Variants in UNC79 observed in about 807,000 individuals in gnomAD.
UNC79 encodes unc-79 subunit of NALCN channel complex.
In UNC79, 37 loss-of-function variants were observed where a neutral mutation model predicts 283.1. The ratio of observed to expected loss-of-function variants is 0.13; its 90% CI spans 0.10 to 0.17. UNC79 has a LOEUF of 0.17. Among genes scored for constraint, UNC79 ranks in the 10% least tolerant of loss-of-function variants. The pLI, the probability that UNC79 is intolerant of heterozygous loss-of-function variation, is 1.00. For synonymous variants in UNC79, 1,107 were observed against 1,200.2 expected, an observed-to-expected ratio of 0.92 and a Z score of 1.61; for missense variants, 2,272 against 3,211.1, an observed-to-expected ratio of 0.71 and a Z score of 7.07.
At chr14:93,663,986 A>G (rs189956746) in intron 40 of UNC79, among the ~76,000 whole-genome samples, 4 of 152,258 alleles carry the variant, frequency 2.6e-5, no homozygotes, top group East Asian at 3.9e-4. Context: ...TTGGTTTTCA[A>G]TTCAAAATAT....
At chr14:93,629,975 A>T (rs2067891628) in intron 30 of UNC79, among the ~76,000 whole-genome samples, 1 of 152,236 alleles carries the variant, frequency 6.6e-6, no homozygotes, top group Admixed American at 6.5e-5. Flanking sequence ...AGGTTTTGAA[A>T]AATAATTTGT....
At chr14:93,398,421 A>C (rs1183887918) in intron 1 of UNC79, among the ~76,000 whole-genome samples, 1 of 152,216 alleles carries the variant, frequency 6.6e-6, no homozygotes, top group Admixed American at 6.5e-5. Context: ...TTGGAAGGGC[A>C]CAATGTAGGC....
chr14:93,704,537 A>C, intron 47 of UNC79, 88 bp from the exon 51 acceptor site: 1 of 1,437,496 alleles, frequency 7.0e-7, no homozygotes, highest in Admixed American at 1.7e-5. Flanking sequence ...AAAGGGATTC[A>C]ATGTGGCCTG....
At chr14:93,597,966 C>G (rs2065193409) in intron 24 of UNC79, among the ~76,000 whole-genome samples, 1 of 152,130 alleles carries the variant, frequency 6.6e-6, no homozygotes, top group Non-Finnish European at 1.5e-5. Flanking sequence ...TATACCAGAA[C>G]CACATCTTGC....
chr14:93,649,778 G>C (rs1388123794), intron 35 of UNC79, among the ~76,000 whole-genome samples: 1 of 152,060 alleles, frequency 6.6e-6, no homozygotes, highest in Non-Finnish European at 1.5e-5. Context: ...ACGATACATT[G>C]TTGTTAACTA....
rs200855641 is a variant in UNC79, at chr14:93,705,242, TA to T, written c.7590+583del. Among the ~76,000 whole-genome samples, 461 of 146,414 alleles carry T rather than the reference TA, an allele frequency of 3.1e-3. 2 individuals carry two copies. The East Asian group carries it at 0.037, about 12-fold the overall frequency. ...ACAGAGTGAGACCCTGTCTCTATTT[TA>T]AAAAAAGAAATCAAAGAAATATAAA... On this transcript the variant is annotated intron_variant, in intron 48 of 48. Transcript: ENST00000555664.
intron 39 of UNC79, among the ~76,000 whole-genome samples, chr14:93,660,672 C>T (rs1450211465): frequency 6.6e-6 from 1 of 151,010 alleles, no homozygotes; most frequent in Non-Finnish European, 1.5e-5. Context: ...TCACTGCAGC[C>T]TCCGGCTCCC....
At chr14:93,484,833 C>T (rs184733419) in intron 4 of UNC79, among the ~76,000 whole-genome samples, 165 of 152,190 alleles carry the variant, frequency 1.1e-3, no homozygotes, top group Non-Finnish European at 2.1e-3. Flanking sequence ...TGTAAGGCAC[C>T]GTCTGTTTAT....
chr14:93,510,777 T>C (rs536501071), intron 7 of UNC79, among the ~76,000 whole-genome samples: 1 of 152,308 alleles, frequency 6.6e-6, no homozygotes, highest in African/African-American at 2.4e-5. Flanking sequence ...TTCCAAACTT[T>C]CTGTCATTTT....
intron 1 of UNC79, among the ~76,000 whole-genome samples, chr14:93,462,809 G>T (rs1228876840): frequency 6.6e-6 from 1 of 152,152 alleles, no homozygotes; most frequent in Non-Finnish European, 1.5e-5. Context: ...GGTGGAGTAG[G>T]TTTCTTTCTT....
chr14:93,333,234 C>G (rs371372132), exon 1 of UNC79: 2 of 401,480 alleles, frequency 5.0e-6, no homozygotes, highest in Non-Finnish European at 8.7e-6. Context: ...TGCTCGTCGG[C>G]TGGGAGCCGG....
chr14:93,504,336 T>A (rs1202547943), intron 7 of UNC79, among the ~76,000 whole-genome samples: 1 of 151,924 alleles, frequency 6.6e-6, no homozygotes, highest in East Asian at 1.9e-4. Context: ...AGTTAAAAAA[T>A]TTGTCAAGTT....
chr14:93,422,206 G>A (rs1387646472), intron 1 of UNC79, among the ~76,000 whole-genome samples: 2 of 151,774 alleles, frequency 1.3e-5, no homozygotes, highest in East Asian at 1.9e-4. Flanking sequence ...GTCTGGAAAG[G>A]TGGGATAGCT....
At chr14:93,613,207 A>G (rs991674168) in intron 27 of UNC79, 124 bp downstream of exon 28, 11 of 1,277,034 alleles carry the variant, frequency 8.6e-6, no homozygotes, top group Non-Finnish European at 1.2e-5. Flanking sequence ...GGTATTATGC[A>G]GGAGTATGTG....
intron 1 of UNC79, among the ~76,000 whole-genome samples, chr14:93,348,837 T>C (rs867063846): frequency 6.6e-6 from 1 of 152,216 alleles, no homozygotes; most frequent in Non-Finnish European, 1.5e-5. Context: ...CTTGAAGTGA[T>C]GTTGTGGAAA....
chr14:93,357,149 T>G (rs2054101871), intron 1 of UNC79, among the ~76,000 whole-genome samples: 1 of 152,210 alleles, frequency 6.6e-6, no homozygotes, highest in South Asian at 2.1e-4. Flanking sequence ...GGACGTGTGT[T>G]AATTCACATA....
chr14:93,653,328 T>C (rs1215534970), intron 35 of UNC79, among the ~76,000 whole-genome samples: 1 of 150,882 alleles, frequency 6.6e-6, no homozygotes, highest in East Asian at 1.9e-4. Flanking sequence ...ACTGCATATA[T>C]ATATATATAT....
At chr14:93,436,672 T>C (rs1361794423) in intron 1 of UNC79, among the ~76,000 whole-genome samples, 1 of 152,212 alleles carries the variant, frequency 6.6e-6, no homozygotes, top group African/African-American at 2.4e-5. Context: ...ATTTTGAAAA[T>C]ATATGGATAG....
chr14:93,502,556 G>A (rs2059347636), intron 7 of UNC79, among the ~76,000 whole-genome samples: 1 of 152,132 alleles, frequency 6.6e-6, no homozygotes, highest in Non-Finnish European at 1.5e-5. Flanking sequence ...TAGCCATTAT[G>A]TTGTTCTATG....
Sources: gnomAD v4.1 joint callset for allele counts (sites outside exome capture counted in the v4.1 genomes callset) on GRCh38, gnomAD v4.1.1 for gene constraint, MANE v1.5 for transcripts, NCBI Gene and HGNC (gene_info 2026-07-23, HGNC 2026-07-21) for gene names.